RBFOX1: variants seen among roughly 807,000 people sequenced by gnomAD.
RBFOX1 encodes the protein RNA binding protein fox-1 homolog 1.
In RBFOX1, 8 loss-of-function variants were observed where a neutral mutation model predicts 57.7. The observed-to-expected ratio is 0.14, with a 90% CI of 0.08 to 0.25. The LOEUF (loss-of-function observed/expected upper bound fraction) is 0.25. RBFOX1 is among the 10% of genes least tolerant of loss of function. RBFOX1 has a pLI of 1.00. For synonymous variants in RBFOX1, 326 were observed against 222.4 expected, an observed-to-expected ratio of 1.47 and a Z score of -4.15; for missense variants, 611 against 548.5, an observed-to-expected ratio of 1.11 and a Z score of -1.14.
chr16:5,926,015 C>T (rs1030252003), intron 4 of RBFOX1, among the ~76,000 whole-genome samples: 1 of 152,156 alleles, frequency 6.6e-6, no homozygotes, highest in Admixed American at 6.5e-5. Flanking sequence ...AGTCAGACTA[C>T]CCCTCGAGGG....
rs371636894 is a variant in RBFOX1, at chr16:6,890,041, T to A, written c.-15-162016T>A. On this transcript the variant is annotated intron_variant, in intron 3 of 15. Transcript: ENST00000550418. ...GTTAATAATAGTAGTGTCCCACTTA[T>A]ACTAGAAGTTGATTTTATAGATTTT... Among the ~76,000 whole-genome samples, 5 of 152,242 alleles carry A rather than the reference T, an allele frequency of 3.3e-5. No individual in the cohort carries two copies. The East Asian group carries it at 5.8e-4, about 18-fold the overall frequency.
chr16:6,666,220 C>G (rs1229966621), intron 3 of RBFOX1, among the ~76,000 whole-genome samples: 1 of 152,114 alleles, frequency 6.6e-6, no homozygotes, highest in Non-Finnish European at 1.5e-5. Flanking sequence ...TGAAAACAGA[C>G]TAATACAGGA....
At chr16:6,945,765 C>T (rs1396671675) in intron 3 of RBFOX1, among the ~76,000 whole-genome samples, 1 of 152,158 alleles carries the variant, frequency 6.6e-6, no homozygotes, top group Non-Finnish European at 1.5e-5. Context: ...GTGGCAGGCA[C>T]CTGTAATCCC....
At position 6,503,416 on chromosome 16, in the gene RBFOX1, A is replaced by T. The variant is rs184543177; in HGVS notation, c.-63-151187A>T. 1.6e-4 allele frequency among the ~76,000 whole-genome samples: 24 copies of T among 152,266 alleles called. No individual in the cohort carries two copies. The East Asian group carries it at 4.5e-3, about 28-fold the overall frequency. On this transcript the variant is annotated intron_variant, in intron 2 of 15. Coordinates refer to ENST00000550418, the MANE Select transcript of RBFOX1 (RefSeq NM_018723.4). ...AAACAATTCCAATATTTCGTGGCTTAAAAAAATCATATGTTTGTTCACATT... is the reference window on the plus strand; with the variant it reads ...AAACAATTCCAATATTTCGTGGCTTTAAAAAATCATATGTTTGTTCACATT...
intron 1 of RBFOX1, among the ~76,000 whole-genome samples, chr16:6,123,518 A>G (rs2096566851): frequency 6.6e-6 from 1 of 152,238 alleles, no homozygotes; most frequent in Admixed American, 6.5e-5. Context: ...ATAAGGAGTT[A>G]TTGTTTAGTG....
chr16:5,818,521 A>C (rs1164949659), intron 3 of RBFOX1, among the ~76,000 whole-genome samples: 1 of 152,162 alleles, frequency 6.6e-6, no homozygotes, highest in Admixed American at 6.5e-5. Context: ...ACCTTCTGAA[A>C]TCCGTCTCGG....
intron 4 of RBFOX1, among the ~76,000 whole-genome samples, chr16:7,200,182 T>C (rs2087965922): frequency 6.6e-6 from 1 of 152,190 alleles, no homozygotes. Context: ...TAATGCAAAA[T>C]CCTAGGAAGT....
chr16:7,207,659 G>A (rs1260557658), intron 4 of RBFOX1, among the ~76,000 whole-genome samples: 2 of 152,134 alleles, frequency 1.3e-5, no homozygotes, highest in South Asian at 2.1e-4. Flanking sequence ...AGGATGGAGC[G>A]GAAGAAATGT....
At chr16:6,813,977 C>A (rs1207944350) in intron 3 of RBFOX1, among the ~76,000 whole-genome samples, 1 of 152,186 alleles carries the variant, frequency 6.6e-6, no homozygotes, top group African/African-American at 2.4e-5. Flanking sequence ...ACACTCTCAT[C>A]ATGGCACTGG....
At chr16:6,140,871 C>T (rs2096710395) in intron 1 of RBFOX1, among the ~76,000 whole-genome samples, 1 of 152,190 alleles carries the variant, frequency 6.6e-6, no homozygotes, top group African/African-American at 2.4e-5. Context: ...CCATTTACTA[C>T]CCTTTTAATC....
intron 2 of RBFOX1, among the ~76,000 whole-genome samples, chr16:6,532,433 T>C (rs961207032): frequency 2.0e-5 from 3 of 152,190 alleles, no homozygotes; most frequent in Admixed American, 6.5e-5. Context: ...CATTACTGTT[T>C]CCTCATTTCT....
intron 3 of RBFOX1, among the ~76,000 whole-genome samples, chr16:6,982,186 T>C (rs2089092370): frequency 6.6e-6 from 1 of 152,184 alleles, no homozygotes; most frequent in African/African-American, 2.4e-5. Flanking sequence ...TGGCATCCAA[T>C]TTGAGAAACC....
chr16:5,767,827 C>G (rs1337528691), intron 3 of RBFOX1, among the ~76,000 whole-genome samples: 1 of 152,120 alleles, frequency 6.6e-6, no homozygotes, highest in Non-Finnish European at 1.5e-5. Context: ...ACTTTGGCCA[C>G]CTCCTCCCCC....
At chr16:6,736,333 A>G (rs2070297597) in intron 3 of RBFOX1, among the ~76,000 whole-genome samples, 2 of 152,074 alleles carry the variant, frequency 1.3e-5, no homozygotes, top group South Asian at 4.1e-4. Flanking sequence ...CCAAGTCCCC[A>G]AAGTCCATTG....
At chr16:7,705,703 G>C (rs547170438) in intron 14 of RBFOX1, among the ~76,000 whole-genome samples, 1 of 152,274 alleles carries the variant, frequency 6.6e-6, no homozygotes, top group African/African-American at 2.4e-5. Context: ...GGACAGACTT[G>C]AGAGATTTGA....
chr16:5,809,019 C>T (rs8047824), intron 3 of RBFOX1, among the ~76,000 whole-genome samples: 13,709 of 152,136 alleles, frequency 0.09, 2,061 homozygotes, highest in African/African-American at 0.31. Context: ...CCTAACGCTG[C>T]GTATCTACAA....
chr16:7,412,297 C>A (rs572784338), intron 4 of RBFOX1, among the ~76,000 whole-genome samples: 3 of 151,864 alleles, frequency 2.0e-5, no homozygotes, highest in East Asian at 3.9e-4. Flanking sequence ...TGCCTGTAAT[C>A]TCAGCTCCTC....
intron 4 of RBFOX1, among the ~76,000 whole-genome samples, chr16:7,361,951 TTGTG>T (rs1157571168): frequency 3.3e-5 from 5 of 151,408 alleles, no homozygotes; most frequent in Admixed American, 3.3e-4. Flanking sequence ...TGTGCATGTT[TTGTG>T]TGTATGTTTG....
chr16:6,256,257 GTGTATATATA>G lies in RBFOX1; in HGVS notation c.-126-60736_-126-60727del, dbSNP rs1567788787. ...TGTGTATATATATATGTATATATATGTGTATATATATATGTATATATATATGTGTGTATAT... is the reference window on the plus strand; with the variant it reads ...TGTGTATATATATATGTATATATATGTATGTATATATATATGTGTGTATAT... On this transcript the variant is annotated intron_variant, in intron 1 of 15. Coordinates refer to ENST00000550418, the MANE Select transcript of RBFOX1 (RefSeq NM_018723.4). Among the ~76,000 whole-genome samples the G allele has an allele frequency of 5.7e-4, 56 of 98,810 alleles. 1 individual carries two copies. Among genetic ancestry groups the G allele is most frequent in the African/African-American group, 2.6e-3 (56 of 21,666 alleles). 64.8% of individuals were successfully genotyped at this position (98,810 alleles called of 152,430 possible).
Sources: gnomAD v4.1 joint callset for allele counts (sites outside exome capture counted in the v4.1 genomes callset) on GRCh38, gnomAD v4.1.1 for gene constraint, MANE v1.5 for transcripts, NCBI Gene and HGNC (gene_info 2026-07-23, HGNC 2026-07-21) for gene names.